The following MBD5 variants were observed in gnomAD, a reference collection of about 807,000 sequenced individuals.
MBD5 encodes the protein methyl-CpG-binding domain protein 5.
A neutral mutation model predicts 117.3 loss-of-function variants in MBD5; 13 were observed. That is an observed-to-expected ratio of 0.11 (90% confidence interval 0.07 to 0.18). The LOEUF is 0.18. MBD5 is among the 10% of genes least tolerant of loss of function. The pLI is 1.00. For synonymous variants in MBD5, 727 were observed against 766.4 expected, an observed-to-expected ratio of 0.95 and a Z score of 0.85; for missense variants, 1,879 against 2,093.8, an observed-to-expected ratio of 0.90 and a Z score of 2.00.
chr2:148,123,294 CTA>C (rs958209625), intron 1 of MBD5, among the ~76,000 whole-genome samples: 1 of 152,136 alleles, frequency 6.6e-6, no homozygotes, highest in African/African-American at 2.4e-5. Flanking sequence ...AAGAAAATGA[CTA>C]TGATATGAAT....
intron 3 of MBD5, among the ~76,000 whole-genome samples, chr2:148,256,470 G>C (rs577567641): frequency 6.6e-6 from 1 of 152,202 alleles, no homozygotes; most frequent in Non-Finnish European, 1.5e-5. Context: ...ACCCCAAATG[G>C]GTTGGTGGCC....
At chr2:148,261,036 G>T (rs1120671) in intron 3 of MBD5, among the ~76,000 whole-genome samples, 1 of 151,894 alleles carries the variant, frequency 6.6e-6, no homozygotes, top group East Asian at 1.9e-4. Context: ...GTCTCTCAAC[G>T]GTGAGCTTAA....
At chr2:148,198,800 A>G (rs1699060008) in intron 2 of MBD5, among the ~76,000 whole-genome samples, 1 of 152,048 alleles carries the variant, frequency 6.6e-6, no homozygotes, top group East Asian at 1.9e-4. Flanking sequence ...TCGTGCTATG[A>G]GCTATATTAA....
intron 3 of MBD5, among the ~76,000 whole-genome samples, chr2:148,265,473 T>C (rs1700834254): frequency 6.6e-6 from 1 of 152,192 alleles, no homozygotes; most frequent in Non-Finnish European, 1.5e-5. Context: ...TCATAATTTG[T>C]TCAAAAATCA....
At chr2:148,473,434 T>C (rs976376528) in intron 8 of MBD5, among the ~76,000 whole-genome samples, 4 of 152,120 alleles carry the variant, frequency 2.6e-5, no homozygotes, top group African/African-American at 9.7e-5. Context: ...ACAGGTAACA[T>C]GGTCCAACTG....
At chr2:148,408,002 G>T (rs1705135250) in intron 4 of MBD5, among the ~76,000 whole-genome samples, 1 of 152,106 alleles carries the variant, frequency 6.6e-6, no homozygotes, top group Admixed American at 6.6e-5. Context: ...TTCAGAGACT[G>T]ACTGTGTAGA....
chr2:148,094,112 C>T (rs1696006207), intron 1 of MBD5, among the ~76,000 whole-genome samples: 1 of 152,110 alleles, frequency 6.6e-6, no homozygotes, highest in South Asian at 2.1e-4. Flanking sequence ...TTTTTAACTG[C>T]CCTAAATTTC....
chr2:148,294,196 G>GTTTTTTTTTTTTTTTTTTTTTTTT (rs60942822), intron 3 of MBD5, among the ~76,000 whole-genome samples: 2 of 127,148 alleles, frequency 1.6e-5, no homozygotes, highest in African/African-American at 5.9e-5. Flanking sequence ...CCAGAATGAA[G>GTTTTTTTTTTTTTTTTTTTTTTTT]TTTTTTTTTT....
chr2:148,424,154 G>T (rs1705698011), intron 4 of MBD5, among the ~76,000 whole-genome samples: 1 of 109,150 alleles, frequency 9.2e-6, no homozygotes, highest in Admixed American at 1.2e-4. Flanking sequence ...CTCCAGCCTG[G>T]GCAACAGAGC....
chr2:148,028,821 G>A lies in MBD5; in HGVS notation c.-925+7137G>A, dbSNP rs576316992. Reference sequence around the variant, plus strand: ...TAAAAATATTTAGGAAATCAAATACGTGCTCCTGTAATATTCAGAGGCTAT... The same window carrying A: ...TAAAAATATTTAGGAAATCAAATACATGCTCCTGTAATATTCAGAGGCTAT... On this transcript the variant is annotated intron_variant, in intron 1 of 13. Transcript: ENST00000642680. 3.3e-5 allele frequency among the ~76,000 whole-genome samples: 5 copies of A among 152,096 alleles called. No individual in the cohort carries two copies. In the East Asian group the frequency reaches 5.8e-4, roughly 18 times the overall value.
At chr2:148,312,656 T>C (rs1312609290) in intron 3 of MBD5, among the ~76,000 whole-genome samples, 2 of 152,162 alleles carry the variant, frequency 1.3e-5, no homozygotes, top group Non-Finnish European at 2.9e-5. Context: ...CTTCCGTCAA[T>C]TTGTCAGACT....
chr2:148,435,751 G>A (rs1706136795), intron 4 of MBD5, among the ~76,000 whole-genome samples: 1 of 152,208 alleles, frequency 6.6e-6, no homozygotes, highest in Admixed American at 6.5e-5. Context: ...TATCTTGCAG[G>A]GGGTCTCTGC....
chr2:148,110,256 T>A (rs1696476327), intron 1 of MBD5, among the ~76,000 whole-genome samples: 1 of 152,206 alleles, frequency 6.6e-6, no homozygotes, highest in Admixed American at 6.5e-5. Flanking sequence ...AGTGAGACGT[T>A]GAGCCAGAAT....
chr2:148,146,713 A>C (rs1338617172), intron 1 of MBD5, among the ~76,000 whole-genome samples: 1 of 151,694 alleles, frequency 6.6e-6, no homozygotes, highest in African/African-American at 2.4e-5. Flanking sequence ...TTCTTCTGGG[A>C]CTCCCTTATG....
chr2:148,246,926 A>G (rs1700351483), intron 3 of MBD5, among the ~76,000 whole-genome samples: 1 of 152,160 alleles, frequency 6.6e-6, no homozygotes, highest in African/African-American at 2.4e-5. Flanking sequence ...GCATACTTTT[A>G]CCACCTAATA....
At chr2:148,272,763 G>C (rs894048714) in intron 3 of MBD5, among the ~76,000 whole-genome samples, 1 of 151,938 alleles carries the variant, frequency 6.6e-6, no homozygotes, top group African/African-American at 2.4e-5. Flanking sequence ...TTCTTTTGCT[G>C]TACAGAAGTG....
chr2:148,226,624 A>G (rs898753201), intron 2 of MBD5, among the ~76,000 whole-genome samples: 1 of 152,074 alleles, frequency 6.6e-6, no homozygotes, highest in African/African-American at 2.4e-5. Context: ...TTGGGTATAT[A>G]CCCAGTAATG....
At chr2:148,505,562 G>C (rs76976115) in intron 12 of MBD5, among the ~76,000 whole-genome samples, 6,233 of 152,142 alleles carry the variant, frequency 0.041, 164 homozygotes, top group Non-Finnish European at 0.058. Flanking sequence ...GCAATTTGAA[G>C]GTCACTGGTA....
intron 4 of MBD5, among the ~76,000 whole-genome samples, chr2:148,445,184 C>CGTGT (rs1706450201): frequency 1.3e-5 from 2 of 151,044 alleles, no homozygotes; most frequent in African/African-American, 2.5e-5. Flanking sequence ...ATGTGCACAA[C>CGTGT]GTGCAGGTTT....
Sources: gnomAD v4.1 joint callset for allele counts (sites outside exome capture counted in the v4.1 genomes callset) on GRCh38, gnomAD v4.1.1 for gene constraint, MANE v1.5 for transcripts, NCBI Gene and HGNC (gene_info 2026-07-23, HGNC 2026-07-21) for gene names.